PDZD2: variants seen among roughly 807,000 people sequenced by gnomAD.
The protein encoded by PDZD2 is PDZ domain containing 2, also known as PDZ domain-containing protein 2.
Under a neutral mutation model 220.7 loss-of-function variants are expected in PDZD2, and 90 were observed. The observed-to-expected ratio is 0.41, with a 90% CI of 0.34 to 0.49. The LOEUF (loss-of-function observed/expected upper bound fraction) is 0.49. Ranked by LOEUF, PDZD2 falls within the 20% of genes least tolerant of loss-of-function variation. PDZD2 has a pLI of 0.28. For synonymous variants in PDZD2, 1,375 were observed against 1,450.5 expected, an observed-to-expected ratio of 0.95 and a Z score of 1.18; for missense variants, 3,174 against 3,608.5, an observed-to-expected ratio of 0.88 and a Z score of 3.08.
At chr5:31,860,422 A>G (rs548095599) in intron 2 of PDZD2, among the ~76,000 whole-genome samples, 1 of 152,184 alleles carries the variant, frequency 6.6e-6, no homozygotes, top group Non-Finnish European at 1.5e-5. Flanking sequence ...TAGTTTGTCT[A>G]CATTCCAGCT....
chr5:32,100,940 T>A (rs1330936781), intron 23 of PDZD2, 165 bp from the exon 24 acceptor site: 12 of 1,599,778 alleles, frequency 7.5e-6, no homozygotes, highest in Non-Finnish European at 1.0e-5. Flanking sequence ...CCAACAGTGC[T>A]ACTGGGCTCA....
chr5:31,667,901 G>A (rs1455631801), intron 1 of PDZD2, among the ~76,000 whole-genome samples: 10 of 113,466 alleles, frequency 8.8e-5, no homozygotes, highest in Non-Finnish European at 1.1e-4. Flanking sequence ...TCGATCTCTC[G>A]CCCAGGCTGG....
At chr5:31,848,853 T>C (rs547993902) in intron 2 of PDZD2, among the ~76,000 whole-genome samples, 2 of 150,262 alleles carry the variant, frequency 1.3e-5, no homozygotes, top group East Asian at 3.9e-4. Flanking sequence ...ATTGAGAACA[T>C]CCTGGCTAAC....
In PDZD2 at chr5:32,087,950, C is replaced by T. The variant is rs770157376; in HGVS notation, c.4502C>T (p.Pro1501Leu). 6.2e-7 allele frequency: 1 copy of T among 1,614,096 alleles called. No individual in the cohort carries two copies. The highest frequency in any genetic ancestry group is 1.1e-5 in the South Asian group (1 of 91,074). ...GCCTACCCACAATGGGCCTCCCAGC[C>T]TTCGGTTTTAGATTCAATTAATCCC... is the stretch of plus-strand genomic sequence containing the variant. ...APAYPQWASQ[P>L]SVLDSINPDK... The change falls in exon 20 of 25, where the codon CCT becomes CTT. Residue 1501 changes from proline (P) to leucine (L), a missense_variant. Physicochemically the swap from Pro to Leu is moderately conservative, Grantham distance 98 (BLOSUM62 -3). Around this residue, in one of 4 missense-constraint regions of PDZD2, gnomAD observed 1,861 missense variants for 2,001.0 expected, o/e 0.93. Transcript: ENST00000438447. This position sits in a 1 kb window ranked among gnomAD's most constrained non-coding sequence, Gnocchi z 4.0.
chr5:31,975,800 TTTATTTA>T (rs142494262), intron 2 of PDZD2, among the ~76,000 whole-genome samples: 35,175 of 79,402 alleles, frequency 0.44, 8,269 homozygotes, highest in East Asian at 0.72. Context: ...TCACTTTTTT[TTTATTTA>T]TTTTTTTTTT....
chr5:32,009,272 G>A (rs986522898), intron 5 of PDZD2, among the ~76,000 whole-genome samples: 3 of 152,014 alleles, frequency 2.0e-5, no homozygotes, highest in Non-Finnish European at 4.4e-5. Flanking sequence ...GAACTGGGGA[G>A]GTGGAGGTTG....
intron 2 of PDZD2, among the ~76,000 whole-genome samples, chr5:31,948,237 T>G (rs367726134): frequency 6.6e-6 from 1 of 152,158 alleles, no homozygotes; most frequent in Non-Finnish European, 1.5e-5. Context: ...TCGGAGTTGT[T>G]TGGGCGAGCA....
intron 1 of PDZD2, among the ~76,000 whole-genome samples, chr5:31,731,082 T>A (rs936912161): frequency 1.3e-5 from 2 of 152,208 alleles, no homozygotes; most frequent in African/African-American, 4.8e-5. Flanking sequence ...TGCAAGTGGT[T>A]AATTTATTTC....
intron 2 of PDZD2, among the ~76,000 whole-genome samples, chr5:31,906,352 G>A (rs1022180415): frequency 6.6e-6 from 1 of 150,662 alleles, no homozygotes; most frequent in Non-Finnish European, 1.5e-5. Context: ...GACCTCCCCA[G>A]GCTCAGGTGA....
chr5:31,921,740 A>G (rs1744277891), intron 2 of PDZD2, among the ~76,000 whole-genome samples: 1 of 152,170 alleles, frequency 6.6e-6, no homozygotes, highest in Non-Finnish European at 1.5e-5. Context: ...CTTTTCTTAC[A>G]GAGTCTGATA....
At chr5:31,883,313 T>C (rs1176851741) in intron 2 of PDZD2, among the ~76,000 whole-genome samples, 4 of 142,502 alleles carry the variant, frequency 2.8e-5, no homozygotes, top group Non-Finnish European at 6.0e-5. Flanking sequence ...TTCTGCCTAC[T>C]GGGTTCAAAC....
chr5:32,012,041 A>C lies in PDZD2; in HGVS notation c.1407+1559A>C, dbSNP rs935600242. Among the ~76,000 whole-genome samples the C allele has an allele frequency of 5.9e-5, 9 of 152,300 alleles. No individual in the cohort carries two copies. In the South Asian group the frequency reaches 1.9e-3, roughly 32 times the overall value. On this transcript the variant is annotated intron_variant, in intron 6 of 24. Coordinates refer to ENST00000438447, the MANE Select transcript of PDZD2 (RefSeq NM_178140.4). ...AAGAAGGGAAATGATGTGGCGGTAC[A>C]ACAGCAGACTTCAGCTCCAGCACAG...
At chr5:31,825,087 C>T (rs947709002) in intron 2 of PDZD2, among the ~76,000 whole-genome samples, 1 of 152,176 alleles carries the variant, frequency 6.6e-6, no homozygotes, top group Non-Finnish European at 1.5e-5. Flanking sequence ...CTCCTGGCCA[C>T]CCACCAGGGA....
intron 1 of PDZD2, among the ~76,000 whole-genome samples, chr5:31,755,205 G>T (rs1751237996): frequency 9.8e-6 from 1 of 101,766 alleles, no homozygotes. Flanking sequence ...ATGACAAACA[G>T]CTCCTAATTT....
chr5:32,005,525 CA>C (rs397728983), intron 5 of PDZD2, among the ~76,000 whole-genome samples: 54 of 131,506 alleles, frequency 4.1e-4, no homozygotes, highest in South Asian at 7.4e-4. Flanking sequence ...GTAGACAACC[CA>C]AAAAAAAAAA....
chr5:31,804,277 C>T (rs1207234942), intron 2 of PDZD2, among the ~76,000 whole-genome samples: 2 of 152,088 alleles, frequency 1.3e-5, no homozygotes, highest in African/African-American at 4.8e-5. Flanking sequence ...AGGCCAACAC[C>T]TATTACTTGG....
intron 1 of PDZD2, among the ~76,000 whole-genome samples, chr5:31,645,082 T>G (rs182021403): frequency 5.9e-5 from 9 of 152,244 alleles, no homozygotes; most frequent in Admixed American, 2.6e-4. Context: ...TGCCTAGATA[T>G]CCACAGGAGG....
At chr5:31,774,456 G>A (rs562487772) in intron 1 of PDZD2, among the ~76,000 whole-genome samples, 1 of 152,286 alleles carries the variant, frequency 6.6e-6, no homozygotes, top group South Asian at 2.1e-4. Context: ...GCTCATACCT[G>A]TAATCACAGC....
chr5:31,714,932 G>A (rs944648263), intron 1 of PDZD2, among the ~76,000 whole-genome samples: 24 of 151,952 alleles, frequency 1.6e-4, no homozygotes, highest in Admixed American at 3.3e-4. Flanking sequence ...GGTGGTGGGC[G>A]CCTGTAGTCT....
Sources: gnomAD v4.1 joint callset for allele counts (sites outside exome capture counted in the v4.1 genomes callset) on GRCh38, gnomAD v4.1.1 for gene constraint, gnomAD v4.1.1 regional missense constraint, Gnocchi (gnomAD v3.1) non-coding constraint, MANE v1.5 for transcripts, NCBI Gene and HGNC (gene_info 2026-07-23, HGNC 2026-07-21) for gene names.